The following RAB2A variants were observed in gnomAD, a reference collection of about 807,000 sequenced individuals.
The protein encoded by RAB2A is RAB2A, member RAS oncogene family.
Under a neutral mutation model 32.5 loss-of-function variants are expected in RAB2A, and 7 were observed. The observed-to-expected ratio is 0.22, with a 90% CI of 0.12 to 0.40. The LOEUF is 0.40. Among genes scored for constraint, RAB2A ranks in the 10% least tolerant of loss-of-function variants. The pLI, the probability that RAB2A is intolerant of heterozygous loss-of-function variation, is 1.00. For synonymous variants in RAB2A, 79 were observed against 85.2 expected (o/e 0.93, Z 0.40); for missense variants, 108 against 260.7 (o/e 0.41, Z 4.03).
Position 60,602,245 on chromosome 8 carries a change from C to T in RAB2A, c.474+10276C>T, listed in dbSNP as rs112918391. ...AAAAGTAAACCCTTATAGACATCAT[C>T]TAGTTTTAGAAGTTACCACCGTGTA... On this transcript the variant is annotated intron_variant, in intron 6 of 7. Coordinates refer to ENST00000262646, the MANE Select transcript of RAB2A (RefSeq NM_002865.3). Among the ~76,000 whole-genome samples the T allele has an allele frequency of 2.2e-3, 332 of 152,272 alleles. 1 individual carries two copies. The highest frequency in any genetic ancestry group is 7.5e-3 in the African/African-American group (310 of 41,546).
intron 1 of RAB2A, chr8:60,552,001 G>GTT (rs78161048): frequency 4.4e-4 from 48 of 109,748 alleles, no homozygotes; most frequent in East Asian, 6.0e-4. Flanking sequence ...GTAGCTGGGA[G>GTT]TTTTTTTTTT....
chr8:60,619,601 C>A (rs1416720868), intron 7 of RAB2A, among the ~76,000 whole-genome samples: 1 of 152,106 alleles, frequency 6.6e-6, no homozygotes, highest in Non-Finnish European at 1.5e-5. Flanking sequence ...TTTCTAAATC[C>A]TATCTTCTAG....
chr8:60,550,304 A>G (rs941057638), intron 1 of RAB2A, among the ~76,000 whole-genome samples: 1 of 147,322 alleles, frequency 6.8e-6, no homozygotes, highest in Non-Finnish European at 1.5e-5. Flanking sequence ...TTCAATTTGA[A>G]CTACCCCCAA....
intron 7 of RAB2A, chr8:60,618,983 G>T (rs1804490634): frequency 6.6e-6 from 1 of 152,490 alleles, no homozygotes; most frequent in Admixed American, 6.5e-5. Context: ...TGACCATATG[G>T]TGTCATCTGC....
chr8:60,592,331 T>C (rs1020811316), intron 6 of RAB2A, among the ~76,000 whole-genome samples: 3 of 152,282 alleles, frequency 2.0e-5, no homozygotes, highest in African/African-American at 7.2e-5. Context: ...TTGAGCAAAA[T>C]GGCTTCTCTG....
intron 1 of RAB2A, among the ~76,000 whole-genome samples, chr8:60,546,897 T>G (rs1807736623): frequency 9.3e-6 from 1 of 107,948 alleles, no homozygotes; most frequent in Non-Finnish European, 2.0e-5. Flanking sequence ...GGGTCTTTTT[T>G]TTTTTTTTTT....
At chr8:60,525,967 AT>A (rs1400682992) in intron 1 of RAB2A, among the ~76,000 whole-genome samples, 1 of 145,008 alleles carries the variant, frequency 6.9e-6, no homozygotes, top group Non-Finnish European at 1.5e-5. Flanking sequence ...ATGTATATAT[AT>A]GTCTATATGT....
chr8:60,602,204 C>T (rs1001506943), intron 6 of RAB2A, among the ~76,000 whole-genome samples: 7 of 152,118 alleles, frequency 4.6e-5, no homozygotes, highest in African/African-American at 1.2e-4. Context: ...TTAACTTAAT[C>T]GGTACTATCA....
chr8:60,517,799 A>G (rs1171150545), intron 1 of RAB2A, among the ~76,000 whole-genome samples: 1 of 152,012 alleles, frequency 6.6e-6, no homozygotes, highest in East Asian at 1.9e-4. Flanking sequence ...TGTATTTTAT[A>G]TATATACATA....
intron 1 of RAB2A, among the ~76,000 whole-genome samples, chr8:60,543,646 A>G (rs759214170): frequency 6.6e-6 from 1 of 152,170 alleles, no homozygotes; most frequent in Non-Finnish European, 1.5e-5. Flanking sequence ...TCAATTTACT[A>G]CAGTAAACCG....
At chr8:60,518,596 C>CA (rs59503766) in intron 1 of RAB2A, among the ~76,000 whole-genome samples, 6,285 of 45,408 alleles carry the variant, frequency 0.14, 1,782 homozygotes, top group Non-Finnish European at 0.18. Context: ...GTGGAGTTTG[C>CA]AAAAAAAAAA....
chr8:60,564,749 G>A (rs534028249), intron 2 of RAB2A, among the ~76,000 whole-genome samples: 1 of 152,168 alleles, frequency 6.6e-6, no homozygotes, highest in East Asian at 1.9e-4. Flanking sequence ...TTTTAAACAA[G>A]TAAATATAAG....
rs768816502 is a variant in RAB2A at position 60,620,800 on chromosome 8, G to A, written c.*31G>A. 3.2e-6 allele frequency: 5 copies of A among 1,579,492 alleles called. No homozygotes were observed. The highest frequency in any genetic ancestry group is 4.3e-6 in the Non-Finnish European group (5 of 1,161,926). ...TTTTTACTGTCTAGCTGCCCAACGG[G>A]GCCTACTCACTTATTCTTTCACCCC... On this transcript the variant is annotated 3_prime_UTR_variant, in exon 8 of 8. Coordinates refer to ENST00000262646, the MANE Select transcript of RAB2A (RefSeq NM_002865.3).
At chr8:60,559,777 A>G (rs1227283730) in intron 2 of RAB2A, among the ~76,000 whole-genome samples, 2 of 152,228 alleles carry the variant, frequency 1.3e-5, no homozygotes, top group Non-Finnish European at 2.9e-5. Flanking sequence ...GAATTGCTTA[A>G]TGAATCTTTT....
intron 1 of RAB2A, among the ~76,000 whole-genome samples, chr8:60,555,288 T>A (rs1158922461): frequency 3.3e-5 from 5 of 152,156 alleles, no homozygotes; most frequent in Non-Finnish European, 7.4e-5. Context: ...GGGAAAATGC[T>A]TCAGGACATT....
At chr8:60,520,698 T>A (rs553570209) in intron 1 of RAB2A, among the ~76,000 whole-genome samples, 9 of 152,316 alleles carry the variant, frequency 5.9e-5, no homozygotes, top group African/African-American at 1.9e-4. Context: ...GCTGGTCCCC[T>A]CCTCTCTTCC....
chr8:60,549,844 A>T (rs545031601), intron 1 of RAB2A, among the ~76,000 whole-genome samples: 2 of 151,994 alleles, frequency 1.3e-5, no homozygotes, highest in Non-Finnish European at 2.9e-5. Flanking sequence ...TTTTTGGTAA[A>T]GATTTAAATC....
At chr8:60,578,560 T>C (rs1256645881) in intron 3 of RAB2A, among the ~76,000 whole-genome samples, 3 of 131,596 alleles carry the variant, frequency 2.3e-5, no homozygotes, top group Non-Finnish European at 4.4e-5. Flanking sequence ...AATGGACTTG[T>C]ATGAGCAAGA....
In RAB2A at chr8:60,622,399, C is replaced by G. The variant is rs995511620; in HGVS notation, c.*1630C>G. On this transcript the variant is annotated 3_prime_UTR_variant, in exon 8 of 8. Transcript: ENST00000262646. ...AAATGCTGTCATAGTTTTGTTTTAA[C>G]TGTCTCCTTGAGGGCAGAGGGAAGG... The G allele has an allele frequency of 1.3e-5, 2 of 152,198 alleles. No individual in the cohort carries two copies. Among genetic ancestry groups the G allele is most frequent in the African/African-American group, 4.8e-5 (2 of 41,454 alleles). The allele number at this position is 152,198 out of a possible 1,614,324, so 9.4% of individuals were successfully genotyped here.
Sources: gnomAD v4.1 joint callset for allele counts (sites outside exome capture counted in the v4.1 genomes callset) on GRCh38, gnomAD v4.1.1 for gene constraint, MANE v1.5 for transcripts, NCBI Gene and HGNC (gene_info 2026-07-23, HGNC 2026-07-21) for gene names.